KCNQ1: variants seen among roughly 807,000 people sequenced by gnomAD.
KCNQ1 encodes the protein potassium voltage-gated channel subfamily KQT member 1.
Under a neutral mutation model 72.4 loss-of-function variants are expected in KCNQ1, and 49 were observed. That is an observed-to-expected ratio of 0.68 (90% confidence interval 0.54 to 0.86). KCNQ1 has a LOEUF of 0.86. Among genes scored for constraint, KCNQ1 ranks in the 40% least tolerant of loss-of-function variants. KCNQ1 has a pLI of 0.00. For missense variants in KCNQ1, 790 were observed against 945.1 expected, an observed-to-expected ratio of 0.84 and a Z score of 2.15; for synonymous variants, 450 against 412.6, an observed-to-expected ratio of 1.09 and a Z score of -1.10.
intron 11 of KCNQ1, among the ~76,000 whole-genome samples, chr11:2,727,373 C>T (rs375947059): frequency 5.8e-4 from 89 of 152,256 alleles, no homozygotes; most frequent in East Asian, 5.6e-3. Flanking sequence ...ACGTGTGGGG[C>T]GCAGGACGGC....
intron 15 of KCNQ1, among the ~76,000 whole-genome samples, chr11:2,836,431 G>A (rs761188982): frequency 6.6e-6 from 1 of 152,148 alleles, no homozygotes; most frequent in Non-Finnish European, 1.5e-5. Flanking sequence ...GGGTGAGGCC[G>A]GACTGCACTC....
In KCNQ1 at chr11:2,479,305, C is replaced by A. The variant is rs867214277; in HGVS notation, c.386+33821C>A. 1.9e-4 allele frequency among the ~76,000 whole-genome samples: 29 copies of A among 152,368 alleles called. No homozygotes were observed. In the South Asian group the frequency reaches 2.3e-3, roughly 12 times the overall value. Reference sequence around the variant, plus strand: ...ATGGGGGCTCCAACCCCACTTTTCCCTTCCTCACTGCCCTAGCAGAGGTTC... The same window carrying A: ...ATGGGGGCTCCAACCCCACTTTTCCATTCCTCACTGCCCTAGCAGAGGTTC... On this transcript the variant is annotated intron_variant, in intron 1 of 15. Transcript: ENST00000155840. This position sits in a 1 kb window ranked among gnomAD's most constrained non-coding sequence, Gnocchi z 4.6.
rs576196390 is a variant in KCNQ1 at position 2,447,022 on chromosome 11, T to A, written c.386+1538T>A. Among the ~76,000 whole-genome samples, 2 of 152,246 alleles carry A rather than the reference T, an allele frequency of 1.3e-5. No homozygotes were observed. The highest frequency in any genetic ancestry group is 6.5e-5 in the Admixed American group (1 of 15,302). On this transcript the variant is annotated intron_variant, in intron 1 of 15. Coordinates refer to ENST00000155840, the MANE Select transcript of KCNQ1 (RefSeq NM_000218.3). This position sits in a 1 kb window ranked among gnomAD's most constrained non-coding sequence, Gnocchi z 7.6. ...TGAGATGTCCAAGGGTGGGAAGACC[T>A]CCTCAGCCAGAGGCCAAGGCAAAGT...
In KCNQ1 at chr11:2,516,892, A is replaced by G. The variant is rs1042163493; in HGVS notation, c.387-11036A>G. Among the ~76,000 whole-genome samples, 1 of 151,540 alleles carries G rather than the reference A, an allele frequency of 6.6e-6. No homozygotes were observed. The highest frequency in any genetic ancestry group is 1.5e-5 in the Non-Finnish European group (1 of 67,888). On this transcript the variant is annotated intron_variant, in intron 1 of 15. Transcript: ENST00000155840. The surrounding 1 kb of genome is among the most constrained non-coding windows in gnomAD (Gnocchi z 7.0). ...CTCCCCCACCTTGCCACGACCCCCCAGAGTTTGCCTGGTGTCACCGGGAAG... is the reference window on the plus strand; with the variant it reads ...CTCCCCCACCTTGCCACGACCCCCCGGAGTTTGCCTGGTGTCACCGGGAAG...
At chr11:2,553,170 T>C (rs542250461) in intron 2 of KCNQ1, among the ~76,000 whole-genome samples, 1 of 142,342 alleles carries the variant, frequency 7.0e-6, no homozygotes, top group Non-Finnish European at 1.5e-5. Context: ...TTGTTTTTTT[T>C]TTTTTTGTTT....
intron 2 of KCNQ1, among the ~76,000 whole-genome samples, chr11:2,542,396 C>T (rs959727221): frequency 6.6e-6 from 1 of 152,254 alleles, no homozygotes; most frequent in Non-Finnish European, 1.5e-5. Context: ...GGGGCCTCAG[C>T]CAGGAACCGC....
At chr11:2,470,713 G>A (rs4350348) in intron 1 of KCNQ1, among the ~76,000 whole-genome samples, 1 of 151,256 alleles carries the variant, frequency 6.6e-6, no homozygotes, top group African/African-American at 2.4e-5. Flanking sequence ...GTGGGGGGGG[G>A]GGTGCTTAGA....
At chr11:2,594,873 C>G (rs1312309450) in intron 10 of KCNQ1, among the ~76,000 whole-genome samples, 2 of 152,176 alleles carry the variant, frequency 1.3e-5, no homozygotes, top group Non-Finnish European at 2.9e-5. Flanking sequence ...TAATTCTGTT[C>G]ACTGTAGTTT....
At position 2,624,674 on chromosome 11, in the gene KCNQ1, A is replaced by G; in HGVS notation, c.1393+35820A>G. The stretch of plus-strand genomic sequence containing the variant: ...ACAATGCTGTGCAATCATCACTATC[A>G]TCCATCTCCATAACACTTGTCATTT... On this transcript the variant is annotated intron_variant, in intron 10 of 15. Coordinates refer to ENST00000155840, the MANE Select transcript of KCNQ1 (RefSeq NM_000218.3). The surrounding 1 kb of genome is among the most constrained non-coding windows in gnomAD (Gnocchi z 4.9). 2.5e-6 allele frequency: 1 copy of G among 398,572 alleles called. No homozygotes were observed. Among genetic ancestry groups the G allele is most frequent in the East Asian group, 3.6e-5 (1 of 28,068 alleles). 24.7% of individuals were successfully genotyped at this position (398,572 alleles called of 1,614,324 possible).
intron 15 of KCNQ1, among the ~76,000 whole-genome samples, chr11:2,835,269 G>GC (rs1450153993): frequency 6.6e-6 from 1 of 151,840 alleles, no homozygotes; most frequent in Non-Finnish European, 1.5e-5. Flanking sequence ...CCTGGCTGTT[G>GC]CCCCCCTGCA....
In KCNQ1 at chr11:2,471,784, G is replaced by A. The variant is rs1846470492; in HGVS notation, c.386+26300G>A. ...TGTGTATGGGTGTGTGCATGTGATTGGGTGTGTGCATGTGTATATAGGTGT... is the reference window on the plus strand; with the variant it reads ...TGTGTATGGGTGTGTGCATGTGATTAGGTGTGTGCATGTGTATATAGGTGT... On this transcript the variant is annotated intron_variant, in intron 1 of 15. Coordinates refer to ENST00000155840, the MANE Select transcript of KCNQ1 (RefSeq NM_000218.3). The surrounding 1 kb of genome is among the most constrained non-coding windows in gnomAD (Gnocchi z 4.8). 6.6e-6 allele frequency among the ~76,000 whole-genome samples: 1 copy of A among 151,056 alleles called. No homozygotes were observed. The highest frequency in any genetic ancestry group is 1.5e-5 in the Non-Finnish European group (1 of 67,820).
intron 1 of KCNQ1, among the ~76,000 whole-genome samples, chr11:2,512,371 A>T (rs1589921128): frequency 6.6e-6 from 1 of 152,074 alleles, no homozygotes; most frequent in Non-Finnish European, 1.5e-5. Context: ...ATGGGCAGCC[A>T]GGAGAACTGT....
rs897659007 is a variant in KCNQ1 at position 2,668,435 on chromosome 11, C to T, written c.1514+6354C>T. ...TTCATTCCCACAGGCAGCATTCTGG[C>T]TGCTCCACATCCTAACACTTGGCAT... On this transcript the variant is annotated intron_variant, in intron 11 of 15. Coordinates refer to ENST00000155840, the MANE Select transcript of KCNQ1 (RefSeq NM_000218.3). The surrounding 1 kb of genome is among the most constrained non-coding windows in gnomAD (Gnocchi z 4.3). The T allele has an allele frequency of 3.0e-5, 12 of 398,486 alleles. 1 individual carries two copies. The allele number at this position is 398,486 out of a possible 1,614,324, so 24.7% of individuals were successfully genotyped here. A position where few individuals can be genotyped will look rare whatever the true frequency, so the allele number is the denominator to read the frequency against.
Position 2,764,863 on chromosome 11 carries a change from G to A in KCNQ1, c.1515-3981G>A, listed in dbSNP as rs1309203492. On this transcript the variant is annotated intron_variant, in intron 11 of 15. Transcript: ENST00000155840. The surrounding 1 kb of genome is among the most constrained non-coding windows in gnomAD (Gnocchi z 4.8). Reference sequence around the variant, plus strand: ...TGACATTCCATCTTTAACTCCTGATGGCGGTCATTTGTGTCCCCTCCCCCA... The same window carrying A: ...TGACATTCCATCTTTAACTCCTGATAGCGGTCATTTGTGTCCCCTCCCCCA... Among the ~76,000 whole-genome samples the A allele has an allele frequency of 6.6e-6, 1 of 152,152 alleles. No individual in the cohort carries two copies. The highest frequency in any genetic ancestry group is 1.5e-5 in the Non-Finnish European group (1 of 68,026).
chr11:2,765,637 G>A (rs919602404), intron 11 of KCNQ1, among the ~76,000 whole-genome samples: 1 of 152,140 alleles, frequency 6.6e-6, no homozygotes, highest in Admixed American at 6.5e-5. Flanking sequence ...TTTGCTTTAT[G>A]TATTTTAAGG....
rs1023113218 is a variant in KCNQ1, at chr11:2,471,758, T to C, written c.386+26274T>C. 1.4e-5 allele frequency among the ~76,000 whole-genome samples: 2 copies of C among 144,418 alleles called. No homozygotes were observed. The highest frequency in any genetic ancestry group is 2.6e-5 in the African/African-American group (1 of 37,836). 94.7% of individuals were successfully genotyped at this position (144,418 alleles called of 152,430 possible). A position where few individuals can be genotyped will look rare whatever the true frequency, so the allele number is the denominator to read the frequency against. ...TATGTGTGCATGGGCGTGTGTGTAC[T>C]TGTGTATGGGTGTGTGCATGTGATT... is the stretch of plus-strand genomic sequence containing the variant. On this transcript the variant is annotated intron_variant, in intron 1 of 15. Coordinates refer to ENST00000155840, the MANE Select transcript of KCNQ1 (RefSeq NM_000218.3). This position sits in a 1 kb window ranked among gnomAD's most constrained non-coding sequence, Gnocchi z 4.8.
In KCNQ1 at chr11:2,651,422, T is replaced by C. The variant is rs1015873208; in HGVS notation, c.1394-10539T>C. On this transcript the variant is annotated intron_variant, in intron 10 of 15. Transcript: ENST00000155840. This position sits in a 1 kb window ranked among gnomAD's most constrained non-coding sequence, Gnocchi z 6.1. Reference sequence around the variant, plus strand: ...TTTCCATTCCTTTTGGCCTGCCCTGTGTGCAGCTCAGCAAGTGCCTGAAGT... The same window carrying C: ...TTTCCATTCCTTTTGGCCTGCCCTGCGTGCAGCTCAGCAAGTGCCTGAAGT... The C allele has an allele frequency of 5.0e-6, 2 of 398,584 alleles. No homozygotes were observed. The highest frequency in any genetic ancestry group is 8.8e-6 in the Non-Finnish European group (2 of 226,104). 24.7% of individuals were successfully genotyped at this position (398,584 alleles called of 1,614,324 possible).
Position 2,824,118 on chromosome 11 carries a change from T to TC in KCNQ1, c.1795-23648dup, listed in dbSNP as rs1847792176. ...CACACACCGTCACACACACCCATAT[T>TC]CGACACACACATTCACACAAACACA... On this transcript the variant is annotated intron_variant, in intron 15 of 15. Coordinates refer to ENST00000155840, the MANE Select transcript of KCNQ1 (RefSeq NM_000218.3). This position sits in a 1 kb window ranked among gnomAD's most constrained non-coding sequence, Gnocchi z 5.9. Among the ~76,000 whole-genome samples the TC allele has an allele frequency of 6.6e-6, 1 of 151,968 alleles. No homozygotes were observed. Among genetic ancestry groups the TC allele is most frequent in the East Asian group, 1.9e-4 (1 of 5,184 alleles).
chr11:2,456,951 A>C (rs1477230254), intron 1 of KCNQ1, among the ~76,000 whole-genome samples: 12 of 145,566 alleles, frequency 8.2e-5, no homozygotes, highest in Admixed American at 7.4e-4. Context: ...AAAAAAAAAA[A>C]AAAAAAAAAA....
Sources: gnomAD v4.1 joint callset for allele counts (sites outside exome capture counted in the v4.1 genomes callset) on GRCh38, gnomAD v4.1.1 for gene constraint, Gnocchi (gnomAD v3.1) non-coding constraint, MANE v1.5 for transcripts, NCBI Gene and HGNC (gene_info 2026-07-23, HGNC 2026-07-21) for gene names.